JDP2: variants seen among roughly 807,000 people sequenced by gnomAD.
JDP2 encodes the protein Jun dimerization protein 2.
In JDP2, 9 loss-of-function variants were observed where a neutral mutation model predicts 17.1. The observed-to-expected ratio is 0.53, with a 90% confidence interval of 0.32 to 0.92. JDP2 has a LOEUF of 0.92. Ranked by LOEUF, JDP2 falls within the 40% of genes least tolerant of loss-of-function variation. The probability of loss-of-function intolerance (pLI) is 0.04; values close to 1 mark genes in which losing one functional copy is unlikely to be tolerated. For missense variants in JDP2, 179 were observed against 220.0 expected, an observed-to-expected ratio of 0.81 and a Z score of 1.18; for synonymous variants, 107 against 95.6, an observed-to-expected ratio of 1.12 and a Z score of -0.69.
At chr14:75,440,256 C>T (rs1025564208) in intron 2 of JDP2, among the ~76,000 whole-genome samples, 5 of 152,180 alleles carry the variant, frequency 3.3e-5, no homozygotes, top group African/African-American at 4.8e-5. Context: ...GGCGAAGAGG[C>T]AGATGGAGCT....
In JDP2 at chr14:75,460,123, T is replaced by C. The variant is rs114901412; in HGVS notation, c.202-1303T>C. Among the ~76,000 whole-genome samples the C allele has an allele frequency of 1.0e-2, 1,518 of 152,326 alleles. 24 individuals carry two copies. The highest frequency in any genetic ancestry group is 0.035 in the African/African-American group (1,442 of 41,556). ...TGGCACCTCTTGTTATTATTACTAA[T>C]GGAGCAATAACAACAGCAACTTTGA... On this transcript the variant is annotated intron_variant, in intron 2 of 3. Transcript: ENST00000651602.
intron 2 of JDP2, among the ~76,000 whole-genome samples, chr14:75,449,000 T>C (rs371523219): frequency 7.2e-5 from 11 of 152,242 alleles, no homozygotes; most frequent in African/African-American, 2.7e-4. Flanking sequence ...CCGGGCCAGA[T>C]ATCCCTGGCT....
In JDP2 at chr14:75,461,497, C is replaced by T. The variant is rs559955652; in HGVS notation, c.273C>T (p.Asn91=). ...KNKVAAARCR[N]KKKERTEFLQ... is the part of the protein sequence containing the mutation. ...AAGTCGCAGCAGCCCGATGCCGGAA[C>T]AAGAAGAAGGAGCGCACGGAGTTTC... The change falls in exon 3 of 4, where the codon AAC becomes AAT. Residue 91 remains asparagine (N), a synonymous_variant. Transcript: ENST00000651602. The T allele has an allele frequency of 8.1e-6, 13 of 1,609,550 alleles. No individual in the cohort carries two copies. In the Admixed American group the frequency reaches 2.2e-4, roughly 27 times the overall value.
At chr14:75,429,098 A>G (rs1884671506) in intron 1 of JDP2, among the ~76,000 whole-genome samples, 1 of 152,146 alleles carries the variant, frequency 6.6e-6, no homozygotes, top group Non-Finnish European at 1.5e-5. Context: ...TGGCAGAGCC[A>G]GGCTTTGCCT....
intron 2 of JDP2, among the ~76,000 whole-genome samples, chr14:75,456,730 C>G (rs1290100557): frequency 6.6e-6 from 1 of 152,202 alleles, no homozygotes; most frequent in African/African-American, 2.4e-5. Context: ...GGTTGCCCGG[C>G]CCTGCATGAC....
chr14:75,452,543 C>T (rs558010689), intron 2 of JDP2, among the ~76,000 whole-genome samples: 12 of 152,278 alleles, frequency 7.9e-5, no homozygotes, highest in Admixed American at 2.6e-4. Flanking sequence ...AATCAGCAGC[C>T]GTGGGCCAGT....
chr14:75,457,731 C>G (rs904006628), intron 2 of JDP2, among the ~76,000 whole-genome samples: 3 of 152,230 alleles, frequency 2.0e-5, no homozygotes, highest in African/African-American at 4.8e-5. Flanking sequence ...AGGGCTCATG[C>G]AGACTTGCCA....
In JDP2 at chr14:75,441,160, C is replaced by T. The variant is rs542902708; in HGVS notation, c.201+3039C>T. Among the ~76,000 whole-genome samples, 8 of 151,866 alleles carry T rather than the reference C, an allele frequency of 5.3e-5. No individual in the cohort carries two copies. The East Asian group carries it at 1.2e-3, about 22-fold the overall frequency. On this transcript the variant is annotated intron_variant, in intron 2 of 3. Transcript: ENST00000651602. Reference sequence around the variant, plus strand: ...GAGAGAGAGAGAGAGAGCGAGAGAGCGAGCCGGCTGAGCCGCTGTGCGGGC... The same window carrying T: ...GAGAGAGAGAGAGAGAGCGAGAGAGTGAGCCGGCTGAGCCGCTGTGCGGGC...
At chr14:75,458,975 C>G (rs1049092156) in intron 2 of JDP2, among the ~76,000 whole-genome samples, 4 of 152,216 alleles carry the variant, frequency 2.6e-5, no homozygotes, top group Non-Finnish European at 5.9e-5. Context: ...CCCAGTTGAT[C>G]TCTTAAACTT....
chr14:75,472,540 G>A lies in JDP2; in HGVS notation c.*3065G>A, dbSNP rs966384470. The A allele has an allele frequency of 4.6e-5, 7 of 152,162 alleles. No homozygotes were observed. Among genetic ancestry groups the A allele is most frequent in the Non-Finnish European group, 7.3e-5 (5 of 68,044 alleles). 9.4% of individuals were successfully genotyped at this position (152,162 alleles called of 1,614,324 possible). On this transcript the variant is annotated 3_prime_UTR_variant, in exon 4 of 4. Coordinates refer to ENST00000651602, the MANE Select transcript of JDP2 (RefSeq NM_001135048.2). ...CAGAAGACACACCTTAAAGGCAAAC[G>A]GGTTCATGATGTAATCTTCTATTGA...
At position 75,434,684 on chromosome 14, in the gene JDP2, T is replaced by A. The variant is rs1397597261; in HGVS notation, c.-23-3214T>A. 2.0e-5 allele frequency among the ~76,000 whole-genome samples: 3 copies of A among 152,222 alleles called. No homozygotes were observed. In the East Asian group the frequency reaches 5.8e-4, roughly 29 times the overall value. ...ATAAACAGAAGCTGCAAACAGAGCC[T>A]ATCATTCCCGGAACAGAATGGGGTC... On this transcript the variant is annotated intron_variant, in intron 1 of 3. Transcript: ENST00000651602.
rs373003409 is a variant in JDP2 at position 75,460,621 on chromosome 14, C to T, written c.202-805C>T. Among the ~76,000 whole-genome samples the T allele has an allele frequency of 9.2e-5, 14 of 152,318 alleles. No homozygotes were observed. The East Asian group carries it at 1.4e-3, about 15-fold the overall frequency. ...GCTGGGCAAAAGAAAAGGTCGTCAC[C>T]GCCCGTTGGGTGCCACCTCTGTGTG... On this transcript the variant is annotated intron_variant, in intron 2 of 3. Coordinates refer to ENST00000651602, the MANE Select transcript of JDP2 (RefSeq NM_001135048.2).
chr14:75,437,768 C>A (rs377668653), intron 1 of JDP2, 130 bp from the exon 2 acceptor site: 19 of 621,160 alleles, frequency 3.1e-5, no homozygotes, highest in African/African-American at 2.2e-4. Flanking sequence ...GCAGGAAGAG[C>A]AGCTGGGTGG....
chr14:75,470,181 T>C lies in JDP2; in HGVS notation c.*706T>C, dbSNP rs1423583686. On this transcript the variant is annotated 3_prime_UTR_variant, in exon 4 of 4. Transcript: ENST00000651602. The stretch of plus-strand genomic sequence containing the variant: ...TGTTTTTTATACTTTCCTTTTTTTT[T>C]TTTTTTTTAATATTTTTTACAAAAA... 1 of 152,024 alleles carries C rather than the reference T, an allele frequency of 6.6e-6. No homozygotes were observed. Among genetic ancestry groups the C allele is most frequent in the East Asian group, 1.9e-4 (1 of 5,198 alleles). The allele number at this position is 152,024 out of a possible 1,614,324, so 9.4% of individuals were successfully genotyped here.
Position 75,469,318 on chromosome 14 carries a change from C to T in JDP2, c.335C>T (p.Ala112Val). The T allele has an allele frequency of 6.2e-7, 1 of 1,614,116 alleles. No homozygotes were observed. Among genetic ancestry groups the T allele is most frequent in the Non-Finnish European group, 8.5e-7 (1 of 1,179,976 alleles). Residue 112 changes from alanine to valine, a missense_variant, in exon 4 of 4, where the codon GCA becomes GTA. Ala to Val is a moderately conservative substitution (Grantham distance 64). Coordinates refer to ENST00000651602, the MANE Select transcript of JDP2 (RefSeq NM_001135048.2). ...TCCGAGCGGCTGGAACTCATGAACGCAGAGCTGAAGACCCAGATTGAGGAG... is the reference window on the plus strand; with the variant it reads ...TCCGAGCGGCTGGAACTCATGAACGTAGAGCTGAAGACCCAGATTGAGGAG... Reference protein sequence around the residue: ...RESERLELMNAELKTQIEELK... With the variant: ...RESERLELMNVELKTQIEELK...
chr14:75,469,651 A>C lies in JDP2; in HGVS notation c.*176A>C, dbSNP rs1023189707. The stretch of plus-strand genomic sequence containing the variant: ...GTGAAACTCAGATCAGCCACCCAGG[A>C]GGAAGAGCGGGCTGAGGAAACCCAG... On this transcript the variant is annotated 3_prime_UTR_variant, in exon 4 of 4. Transcript: ENST00000651602. The C allele has an allele frequency of 6.5e-6, 4 of 614,322 alleles. No homozygotes were observed. The highest frequency in any genetic ancestry group is 3.7e-5 in the African/African-American group (2 of 53,878). 38.1% of individuals were successfully genotyped at this position (614,322 alleles called of 1,614,324 possible).
chr14:75,432,340 C>T, intron 1 of JDP2: 4 of 1,551,530 alleles, frequency 2.6e-6, no homozygotes, highest in Non-Finnish European at 3.5e-6. Flanking sequence ...GTAGCAGGTA[C>T]TATGCGCCAT....
intron 1 of JDP2, chr14:75,432,472 C>T (rs1014594881): frequency 1.2e-6 from 1 of 822,018 alleles, no homozygotes; most frequent in Non-Finnish European, 2.0e-6. Flanking sequence ...TGTTGAGTCT[C>T]AGTCGCCATT....
At chr14:75,458,174 TTTTTAAC>T (rs1886198741) in intron 2 of JDP2, among the ~76,000 whole-genome samples, 1 of 151,972 alleles carries the variant, frequency 6.6e-6, no homozygotes, top group Non-Finnish European at 1.5e-5. Flanking sequence ...TTCTTTTTCT[TTTTTAAC>T]TTTTAAGTTC....
Sources: gnomAD v4.1 joint callset for allele counts (sites outside exome capture counted in the v4.1 genomes callset) on GRCh38, gnomAD v4.1.1 for gene constraint, MANE v1.5 for transcripts, NCBI Gene and HGNC (gene_info 2026-07-23, HGNC 2026-07-21) for gene names.